Variants in CNMD observed in about 807,000 individuals in gnomAD.
CNMD encodes leukocyte cell-derived chemotaxin 1.
A neutral mutation model predicts 37.5 loss-of-function variants in CNMD; 30 were observed. The observed-to-expected ratio is 0.80, with a 90% CI of 0.60 to 1.09. The LOEUF is 1.09. CNMD is among the 50% of genes least tolerant of loss of function. The probability of loss-of-function intolerance (pLI) is 0.00; values close to 1 mark genes in which losing one functional copy is unlikely to be tolerated. For synonymous variants in CNMD, 167 were observed against 148.2 expected, an observed-to-expected ratio of 1.13 and a Z score of -0.92; for missense variants, 398 against 423.9, an observed-to-expected ratio of 0.94 and a Z score of 0.54.
At chr13:52,728,740 G>A (rs903237340) in intron 3 of CNMD, among the ~76,000 whole-genome samples, 1 of 152,138 alleles carries the variant, frequency 6.6e-6, no homozygotes, top group East Asian at 1.9e-4. Flanking sequence ...TCCCCAAAGG[G>A]GAAAGCTGAT....
chr13:52,732,777 C>T (rs552790551), intron 3 of CNMD, among the ~76,000 whole-genome samples: 2 of 152,302 alleles, frequency 1.3e-5, no homozygotes, highest in Admixed American at 1.3e-4. Context: ...GAAATAGCTC[C>T]TTCAAGTCTT....
intron 6 of CNMD, among the ~76,000 whole-genome samples, chr13:52,705,404 A>G (rs1964157651): frequency 6.6e-6 from 1 of 152,230 alleles, no homozygotes. Context: ...TATTCAAGTT[A>G]TGTCATCAAA....
At chr13:52,711,834 C>CA (rs1964293904) in intron 5 of CNMD, among the ~76,000 whole-genome samples, 1 of 123,402 alleles carries the variant, frequency 8.1e-6, no homozygotes, top group African/African-American at 3.0e-5. Flanking sequence ...TTTCATCTTG[C>CA]AAAAAATGAA....
intron 2 of CNMD, among the ~76,000 whole-genome samples, chr13:52,735,938 T>C (rs1482090465): frequency 6.7e-6 from 1 of 150,246 alleles, no homozygotes; most frequent in East Asian, 2.0e-4. Context: ...CAAGCCATTC[T>C]CCTGCCTCAG....
chr13:52,724,464 G>T (rs1028876583), intron 3 of CNMD, among the ~76,000 whole-genome samples: 1 of 150,454 alleles, frequency 6.6e-6, no homozygotes, highest in African/African-American at 2.4e-5. Context: ...GGTGGCGGGC[G>T]CCTGTAGTCC....
intron 3 of CNMD, among the ~76,000 whole-genome samples, chr13:52,731,136 G>A (rs886423114): frequency 2.4e-4 from 37 of 152,022 alleles, no homozygotes; most frequent in Admixed American, 2.2e-3. Flanking sequence ...GACCTGATTT[G>A]GTCATCACTA....
intron 4 of CNMD, among the ~76,000 whole-genome samples, chr13:52,719,916 AGT>A (rs1491531327): frequency 1.3e-5 from 2 of 152,182 alleles, no homozygotes; most frequent in Non-Finnish European, 2.9e-5. Context: ...TATCCTGAAG[AGT>A]GTTTCCCAAC....
chr13:52,734,887 T>C (rs1437339964), intron 2 of CNMD, among the ~76,000 whole-genome samples: 2 of 152,192 alleles, frequency 1.3e-5, no homozygotes, highest in African/African-American at 4.8e-5. Flanking sequence ...AGACCCACAG[T>C]GCACTATTTT....
At chr13:52,725,427 G>C (rs1337287627) in intron 3 of CNMD, among the ~76,000 whole-genome samples, 2 of 150,054 alleles carry the variant, frequency 1.3e-5, no homozygotes, top group Admixed American at 1.3e-4. Context: ...CAAGGACTTA[G>C]ATGTTTTTTT....
At chr13:52,730,203 T>G (rs1185759941) in intron 3 of CNMD, among the ~76,000 whole-genome samples, 1 of 152,114 alleles carries the variant, frequency 6.6e-6, no homozygotes, top group East Asian at 1.9e-4. Flanking sequence ...GTGCCACATT[T>G]TCTTAATCCA....
rs746841181 is a variant in CNMD at position 52,739,579 on chromosome 13, T to C, written c.72+51A>G. 1.4e-5 allele frequency: 22 copies of C among 1,517,466 alleles called. No homozygotes were observed. The highest frequency in any genetic ancestry group is 2.3e-5 in the East Asian group (1 of 44,402). 94.0% of individuals were successfully genotyped at this position (1,517,466 alleles called of 1,614,324 possible). On this transcript the variant is annotated intron_variant, in intron 1 of 6. Coordinates refer to ENST00000377962, the MANE Select transcript of CNMD (RefSeq NM_007015.3). This position sits in a 1 kb window ranked among gnomAD's most constrained non-coding sequence, Gnocchi z 5.4. Reference sequence around the variant, plus strand: ...ACCCCTGAGTCCGAACTGTGGAACCTGATACTCACACAACCCAGGCCCTGC... The same window carrying C: ...ACCCCTGAGTCCGAACTGTGGAACCCGATACTCACACAACCCAGGCCCTGC...
rs561667817 is a variant in CNMD, at chr13:52,703,395, G to T, written c.*200C>A. The T allele has an allele frequency of 1.2e-5, 6 of 488,074 alleles. No homozygotes were observed. Among genetic ancestry groups the T allele is most frequent in the Non-Finnish European group, 1.8e-5 (5 of 273,380 alleles). 30.2% of individuals were successfully genotyped at this position (488,074 alleles called of 1,614,324 possible). A position where few individuals can be genotyped will look rare whatever the true frequency, so the allele number is the denominator to read the frequency against. On this transcript the variant is annotated 3_prime_UTR_variant, in exon 7 of 7. Transcript: ENST00000377962. ...AAAGGGGTTATGGCATTTTAGACTT[G>T]AACTACCCTTTCAGTACATTTGCAT...
chr13:52,724,624 C>T lies in CNMD; in HGVS notation c.355-514G>A, dbSNP rs568728806. ...AAAACAAAAAACAAACAAAAACAGC[C>T]GGACATGGTGGCTTATGCCACCAGA... On this transcript the variant is annotated intron_variant, in intron 3 of 6. Coordinates refer to ENST00000377962, the MANE Select transcript of CNMD (RefSeq NM_007015.3). 5.3e-5 allele frequency among the ~76,000 whole-genome samples: 8 copies of T among 152,048 alleles called. No individual in the cohort carries two copies. The South Asian group carries it at 1.2e-3, about 24-fold the overall frequency.
intron 6 of CNMD, among the ~76,000 whole-genome samples, chr13:52,708,022 G>A (rs1457047792): frequency 6.6e-6 from 1 of 151,894 alleles, no homozygotes; most frequent in Non-Finnish European, 1.5e-5. Flanking sequence ...GGCTGAGGCA[G>A]GAGAATTGCT....
chr13:52,738,221 G>T (rs1350909633), intron 2 of CNMD, among the ~76,000 whole-genome samples: 1 of 152,162 alleles, frequency 6.6e-6, no homozygotes, highest in Admixed American at 6.5e-5. Context: ...ACCTGGCAGT[G>T]GTCATCAAGA....
intron 2 of CNMD, among the ~76,000 whole-genome samples, chr13:52,736,180 G>C (rs71437881): frequency 6.6e-6 from 1 of 152,170 alleles, no homozygotes; most frequent in Non-Finnish European, 1.5e-5. Context: ...ATTTTTAGTA[G>C]AGACAGGGTT....
chr13:52,718,769 T>C (rs1284758589), intron 4 of CNMD, among the ~76,000 whole-genome samples: 1 of 150,436 alleles, frequency 6.6e-6, no homozygotes, highest in Non-Finnish European at 1.5e-5. Context: ...TTTAGAATAA[T>C]TGTGATGTGG....
chr13:52,736,439 C>A (rs1964766373), intron 2 of CNMD, among the ~76,000 whole-genome samples: 1 of 152,164 alleles, frequency 6.6e-6, no homozygotes, highest in African/African-American at 2.4e-5. Flanking sequence ...TGCAGCCCAC[C>A]TTTTATGTGC....
At chr13:52,711,148 C>T (rs1964284024) in intron 5 of CNMD, among the ~76,000 whole-genome samples, 1 of 152,134 alleles carries the variant, frequency 6.6e-6, no homozygotes. Context: ...GTTTATGGCA[C>T]GTACTAGGCC....
Sources: allele counts gnomAD v4.1 joint callset (sites outside exome capture counted in the v4.1 genomes callset), GRCh38; gene constraint gnomAD v4.1.1; non-coding constraint Gnocchi (gnomAD v3.1); transcripts MANE v1.5; gene names NCBI Gene and HGNC (gene_info 2026-07-23, HGNC 2026-07-21).